COL21A1: variants seen among roughly 807,000 people sequenced by gnomAD.
COL21A1 encodes the protein collagen alpha-1(XXI) chain.
A neutral mutation model predicts 137.9 loss-of-function variants in COL21A1; 149 were observed. The observed-to-expected ratio is 1.08, with a 90% CI of 0.95 to 1.24. The LOEUF is 1.24. Ranked by LOEUF, COL21A1 falls within the 50% of genes most tolerant of loss-of-function variation. The pLI is 0.00. For synonymous variants in COL21A1, 456 were observed against 391.5 expected (o/e 1.16, Z -1.95); for missense variants, 1,167 against 1,158.4 (o/e 1.01, Z -0.11).
At chr6:56,130,468 T>C (rs1205109) in intron 12 of COL21A1, among the ~76,000 whole-genome samples, 116,297 of 151,562 alleles carry the variant, frequency 0.77, 45,463 homozygotes, top group African/African-American at 0.91. Flanking sequence ...GTAATGAATG[T>C]TTAATAAAAC....
intron 1 of COL21A1, among the ~76,000 whole-genome samples, chr6:56,382,294 C>A (rs565443450): frequency 6.6e-6 from 1 of 152,284 alleles, no homozygotes; most frequent in Admixed American, 6.5e-5. Context: ...TGTGTAAAAA[C>A]AAAAGCACTG....
Position 56,314,271 on chromosome 6 carries a change from CCG to C in COL21A1, c.-39+79698_-39+79699del, listed in dbSNP as rs1764680100. On this transcript the variant is annotated intron_variant, in intron 1 of 28. Coordinates refer to the COL21A1 transcript ENST00000370819. The stretch of plus-strand genomic sequence containing the variant: ...GTGCTGGGATTACAGGCGTGAGCCA[CCG>C]CACCTGGCCAGAAGGTATCCTTTTA... 2.0e-5 allele frequency among the ~76,000 whole-genome samples: 3 copies of C among 152,298 alleles called. No individual in the cohort carries two copies. The South Asian group carries it at 6.2e-4, about 32-fold the overall frequency.
intron 1 of COL21A1, among the ~76,000 whole-genome samples, chr6:56,387,621 A>T (rs1404312075): frequency 6.6e-6 from 1 of 152,212 alleles, no homozygotes; most frequent in African/African-American, 2.4e-5. Context: ...TGGGAGAAAG[A>T]GACCTAAGTG....
At chr6:56,374,455 G>C (rs1319921005) in intron 1 of COL21A1, among the ~76,000 whole-genome samples, 1 of 152,142 alleles carries the variant, frequency 6.6e-6, no homozygotes, top group African/African-American at 2.4e-5. Flanking sequence ...TTGTGTGTAG[G>C]ATTTCTCAAA....
chr6:56,247,768 G>C (rs1436163267), upstream of COL21A1: 1 of 152,488 alleles, frequency 6.6e-6, no homozygotes, highest in Non-Finnish European at 1.5e-5. Flanking sequence ...GATTGAAAAC[G>C]AGGGTGAAGG....
At chr6:56,127,439 T>C (rs1773136284) in intron 12 of COL21A1, among the ~76,000 whole-genome samples, 1 of 152,194 alleles carries the variant, frequency 6.6e-6, no homozygotes, top group Non-Finnish European at 1.5e-5. Flanking sequence ...AATTTTTCTT[T>C]AATAAATATC....
At chr6:56,094,298 T>C (rs1466046566) in intron 17 of COL21A1, among the ~76,000 whole-genome samples, 3 of 152,202 alleles carry the variant, frequency 2.0e-5, no homozygotes, top group Admixed American at 2.0e-4. Flanking sequence ...AAGGTGTCAC[T>C]ATTCTTCCAG....
intron 16 of COL21A1, among the ~76,000 whole-genome samples, chr6:56,109,684 TA>T (rs1215589050): frequency 6.6e-6 from 1 of 151,834 alleles, no homozygotes; most frequent in Non-Finnish European, 1.5e-5. Context: ...AGGAATGAAA[TA>T]AAGGACATTA....
chr6:56,163,884 A>G (rs1435959687), intron 9 of COL21A1, among the ~76,000 whole-genome samples: 1 of 152,220 alleles, frequency 6.6e-6, no homozygotes, highest in East Asian at 1.9e-4. Flanking sequence ...ACAAGCGCAT[A>G]TATAGAAATA....
At chr6:56,302,911 G>A (rs1178817550) in intron 1 of COL21A1, among the ~76,000 whole-genome samples, 1 of 152,130 alleles carries the variant, frequency 6.6e-6, no homozygotes, top group Admixed American at 6.6e-5. Flanking sequence ...TTTGCATAAG[G>A]TGTAAGGAAG....
intron 1 of COL21A1, among the ~76,000 whole-genome samples, chr6:56,199,741 C>T (rs1017803830): frequency 1.3e-5 from 2 of 152,286 alleles, no homozygotes; most frequent in African/African-American, 4.8e-5. Flanking sequence ...AAGCAACAGA[C>T]TCAAAAACCA....
intron 1 of COL21A1, among the ~76,000 whole-genome samples, chr6:56,358,171 T>C (rs566092359): frequency 6.6e-5 from 10 of 152,262 alleles, no homozygotes; most frequent in African/African-American, 2.4e-4. Flanking sequence ...GATACGGTTT[T>C]AGGTTTCAGG....
At chr6:56,204,059 C>T (rs932420305) in intron 1 of COL21A1, among the ~76,000 whole-genome samples, 4 of 152,142 alleles carry the variant, frequency 2.6e-5, no homozygotes, top group African/African-American at 4.8e-5. Flanking sequence ...GCAGATACCC[C>T]ACTAGCTGTG....
At chr6:56,259,300 A>G (rs2152330304) in intron 1 of COL21A1, among the ~76,000 whole-genome samples, 1 of 152,306 alleles carries the variant, frequency 6.6e-6, no homozygotes, top group South Asian at 2.1e-4. Context: ...ATTTCTACTT[A>G]GACTACTGAG....
intron 16 of COL21A1, among the ~76,000 whole-genome samples, chr6:56,117,677 G>C (rs1772063458): frequency 6.6e-6 from 1 of 151,886 alleles, no homozygotes; most frequent in African/African-American, 2.4e-5. Context: ...ACAGACCATA[G>C]GTTAGGTCAC....
At chr6:56,309,790 T>C (rs1403559175) in intron 1 of COL21A1, among the ~76,000 whole-genome samples, 1 of 152,230 alleles carries the variant, frequency 6.6e-6, no homozygotes, top group Admixed American at 6.5e-5. Flanking sequence ...GCATGCATTT[T>C]TGTCTACTTT....
chr6:56,260,848 CTGTG>C (rs70986790), intron 1 of COL21A1, among the ~76,000 whole-genome samples: 12 of 135,284 alleles, frequency 8.9e-5, no homozygotes, highest in African/African-American at 2.4e-4. Context: ...CTTTAATTCA[CTGTG>C]TGTGTGTGTG....
chr6:56,303,360 T>C (rs1392139183), intron 1 of COL21A1, among the ~76,000 whole-genome samples: 6 of 152,032 alleles, frequency 3.9e-5, no homozygotes, highest in Admixed American at 3.3e-4. Flanking sequence ...TTCCTACCCA[T>C]GAGCATGGAA....
chr6:56,286,441 ACACT>A (rs1297575720), intron 1 of COL21A1, among the ~76,000 whole-genome samples: 1 of 152,200 alleles, frequency 6.6e-6, no homozygotes, highest in African/African-American at 2.4e-5. Flanking sequence ...ATACACACAT[ACACT>A]CATATATGCA....
Sources: allele counts gnomAD v4.1 joint callset (sites outside exome capture counted in the v4.1 genomes callset), GRCh38; gene constraint gnomAD v4.1.1; transcripts MANE v1.5; gene names NCBI Gene and HGNC (gene_info 2026-07-23, HGNC 2026-07-21).